The following MTMR7 variants were observed in gnomAD, a reference collection of about 807,000 sequenced individuals.
MTMR7 encodes phosphatidylinositol-3-phosphate phosphatase MTMR7.
Under a neutral mutation model 81.2 loss-of-function variants are expected in MTMR7, and 76 were observed. The ratio of observed to expected loss-of-function variants is 0.94; its 90% CI spans 0.78 to 1.13. The LOEUF (loss-of-function observed/expected upper bound fraction) is 1.13. Ranked by LOEUF, MTMR7 falls within the 50% of genes most tolerant of loss-of-function variation. The pLI is 0.00. For synonymous variants in MTMR7, 372 were observed against 289.8 expected, an observed-to-expected ratio of 1.28 and a Z score of -2.88; for missense variants, 1,044 against 820.0, an observed-to-expected ratio of 1.27 and a Z score of -3.34.
chr8:17,408,119 G>A (rs62499264), intron 1 of MTMR7, among the ~76,000 whole-genome samples: 46,639 of 88,150 alleles, frequency 0.53, 18,957 homozygotes, highest in Non-Finnish European at 0.81. Flanking sequence ...GGCCGGGCGC[G>A]GTGGCTCACG....
intron 12 of MTMR7, among the ~76,000 whole-genome samples, chr8:17,303,225 T>C (rs954933706): frequency 6.6e-6 from 1 of 152,174 alleles, no homozygotes; most frequent in Non-Finnish European, 1.5e-5. Context: ...AATAATAAAT[T>C]AGTTGCAATC....
chr8:17,307,814 A>G (rs1349737782), intron 10 of MTMR7, among the ~76,000 whole-genome samples: 4 of 151,630 alleles, frequency 2.6e-5, no homozygotes, highest in Non-Finnish European at 5.9e-5. Context: ...ACATGTTCTC[A>G]CTCATAGGTG....
At chr8:17,389,376 C>A (rs1005072370) in intron 1 of MTMR7, among the ~76,000 whole-genome samples, 6 of 152,170 alleles carry the variant, frequency 3.9e-5, no homozygotes, top group Admixed American at 6.5e-5. Flanking sequence ...GCACAATGAA[C>A]AATGCTAGGC....
chr8:17,345,964 A>T (rs1819539578), intron 5 of MTMR7: 4 of 152,212 alleles, frequency 2.6e-5, no homozygotes. Context: ...AAAATGTCTC[A>T]AATAACCAAA....
intron 1 of MTMR7, among the ~76,000 whole-genome samples, chr8:17,391,478 G>C (rs980337654): frequency 1.3e-5 from 2 of 152,060 alleles, no homozygotes; most frequent in Non-Finnish European, 1.5e-5. Context: ...TTTACCACTG[G>C]ATCTCCAGGG....
chr8:17,399,851 C>T (rs937166965), intron 1 of MTMR7, among the ~76,000 whole-genome samples: 2 of 145,278 alleles, frequency 1.4e-5, no homozygotes, highest in Non-Finnish European at 3.0e-5. Flanking sequence ...TACATATATA[C>T]AATGGAGCAA....
chr8:17,306,975 A>G (rs1381084546), intron 10 of MTMR7, among the ~76,000 whole-genome samples: 1 of 152,222 alleles, frequency 6.6e-6, no homozygotes, highest in Non-Finnish European at 1.5e-5. Flanking sequence ...GGACATAGGC[A>G]TGGGCAAGGA....
intron 1 of MTMR7, among the ~76,000 whole-genome samples, chr8:17,383,647 T>C (rs1261802954): frequency 1.3e-5 from 2 of 152,220 alleles, no homozygotes; most frequent in African/African-American, 4.8e-5. Context: ...TAGAGAGGAA[T>C]ATGTTTAACA....
In MTMR7 at chr8:17,299,928, C is replaced by T; in HGVS notation, c.1917G>A (p.Glu639=). 1 of 1,614,162 alleles carries T rather than the reference C, an allele frequency of 6.2e-7. No individual in the cohort carries two copies. Among genetic ancestry groups the T allele is most frequent in the Non-Finnish European group, 8.5e-7 (1 of 1,180,006 alleles). The change falls in exon 14 of 14, where the codon GAG becomes GAA. Residue 639 remains glutamate, a synonymous_variant. Transcript: ENST00000180173. ...DLSCRSPSGG[E]HAPSEDSGKD... Reference sequence around the variant, plus strand: ...TGCCACTATCTTCACTCGGTGCATGCTCACCACCACTTGGAGACCGACAGC... The same window carrying T: ...TGCCACTATCTTCACTCGGTGCATGTTCACCACCACTTGGAGACCGACAGC...
At position 17,373,114 on chromosome 8, in the gene MTMR7, A is replaced by G; in HGVS notation, c.147+4T>C. 1.9e-6 allele frequency: 3 copies of G among 1,612,836 alleles called. No homozygotes were observed. Among genetic ancestry groups the G allele is most frequent in the Non-Finnish European group, 2.5e-6 (3 of 1,179,598 alleles). On this transcript the variant is annotated splice_donor_region_variant and intron_variant, in intron 2 of 13. Coordinates refer to ENST00000180173, the MANE Select transcript of MTMR7 (RefSeq NM_004686.5). Reference sequence around the variant, plus strand: ...AAGGAAAGCTAAAAATAAAGAAAGCATACCCATGTTTCTTTTCTTGGGTCA... The same window carrying G: ...AAGGAAAGCTAAAAATAAAGAAAGCGTACCCATGTTTCTTTTCTTGGGTCA...
chr8:17,368,279 C>T (rs1384612223), intron 3 of MTMR7, among the ~76,000 whole-genome samples: 1 of 152,154 alleles, frequency 6.6e-6, no homozygotes, highest in Non-Finnish European at 1.5e-5. Flanking sequence ...TGCTGTGCCG[C>T]CCGCTTCCTA....
intron 1 of MTMR7, among the ~76,000 whole-genome samples, chr8:17,405,838 ACACACACACACACACACAC>A (rs1821563292): frequency 3.2e-3 from 1 of 310 alleles, no homozygotes; most frequent in Non-Finnish European, 0.014. Context: ...AAAACTATAC[ACACACACACACACACACAC>A]ACACACACAC....
In MTMR7 at chr8:17,299,943, A is replaced by G; in HGVS notation, c.1902T>C (p.Ser634=). The G allele has an allele frequency of 6.2e-7, 1 of 1,614,134 alleles. No homozygotes were observed. The highest frequency in any genetic ancestry group is 8.5e-7 in the Non-Finnish European group (1 of 1,180,004). Residue 634 remains serine, a synonymous_variant, in exon 14 of 14, where the codon TCT becomes TCC. Coordinates refer to ENST00000180173, the MANE Select transcript of MTMR7 (RefSeq NM_004686.5). The stretch of plus-strand genomic sequence containing the variant: ...TCGGTGCATGCTCACCACCACTTGG[A>G]GACCGACAGCTCAAATCCTCCACCC... ...ESGVEDLSCR[S]PSGGEHAPSE...
At chr8:17,361,804 C>T (rs771318027) in intron 3 of MTMR7, among the ~76,000 whole-genome samples, 41 of 152,154 alleles carry the variant, frequency 2.7e-4, no homozygotes, top group Non-Finnish European at 4.9e-4. Context: ...AACATCTGAA[C>T]TTTAAACAAC....
At chr8:17,400,838 A>G (rs1384998492) in intron 1 of MTMR7, among the ~76,000 whole-genome samples, 1 of 152,148 alleles carries the variant, frequency 6.6e-6, no homozygotes, top group Non-Finnish European at 1.5e-5. Context: ...AAGTTTTCCA[A>G]GTAAGAATAG....
chr8:17,320,832 G>A (rs538240419), intron 7 of MTMR7, among the ~76,000 whole-genome samples: 21 of 152,290 alleles, frequency 1.4e-4, no homozygotes, highest in African/African-American at 4.6e-4. Flanking sequence ...CACCCTCCAT[G>A]AGCTCTCACC....
At chr8:17,349,232 C>T (rs1819654130) in intron 4 of MTMR7, 151 bp from the exon 5 acceptor site, 8 of 837,752 alleles carry the variant, frequency 9.5e-6, no homozygotes, top group Middle Eastern at 2.5e-4. Flanking sequence ...AACTCAAAGC[C>T]ACTTCAGAGG....
intron 1 of MTMR7, among the ~76,000 whole-genome samples, chr8:17,410,375 A>C (rs2157642): frequency 0.22 from 33,691 of 152,136 alleles, 4,573 homozygotes; most frequent in South Asian, 0.3. Context: ...AAATCCTACA[A>C]ACACTTCAAG....
chr8:17,319,528 A>G (rs944775293), intron 7 of MTMR7, among the ~76,000 whole-genome samples: 1 of 152,206 alleles, frequency 6.6e-6, no homozygotes, highest in Non-Finnish European at 1.5e-5. Flanking sequence ...TTGCCACCAC[A>G]TCATGGCTAC....
Sources: gnomAD v4.1 joint callset for allele counts (sites outside exome capture counted in the v4.1 genomes callset) on GRCh38, gnomAD v4.1.1 for gene constraint, MANE v1.5 for transcripts, NCBI Gene and HGNC (gene_info 2026-07-23, HGNC 2026-07-21) for gene names.